The following NFAT5 variants were observed in gnomAD, a reference collection of about 807,000 sequenced individuals.
NFAT5 encodes nuclear factor of activated T cells 5.
NFAT5 carries 31 observed loss-of-function variants against 166.5 expected under a neutral mutation model. The ratio of observed to expected loss-of-function variants is 0.19; its 90% CI spans 0.14 to 0.25. The LOEUF is 0.25. Ranked by LOEUF, NFAT5 falls within the 10% of genes least tolerant of loss-of-function variation. The probability of loss-of-function intolerance (pLI) is 1.00; values close to 1 mark genes in which losing one functional copy is unlikely to be tolerated. For missense variants in NFAT5, 1,449 were observed against 1,821.8 expected (o/e 0.80, Z 3.72); for synonymous variants, 612 against 639.7 (o/e 0.96, Z 0.65).
intron 2 of NFAT5, among the ~76,000 whole-genome samples, chr16:69,592,340 A>T (rs2032517442): frequency 6.6e-6 from 1 of 152,154 alleles, no homozygotes; most frequent in Non-Finnish European, 1.5e-5. Flanking sequence ...TTGGCCTCCC[A>T]GAGTGCTGGG....
At chr16:69,568,691 A>G in intron 2 of NFAT5, 143 bp downstream of exon 2, 2 of 556,406 alleles carry the variant, frequency 3.6e-6, no homozygotes, top group Non-Finnish European at 6.1e-6. Flanking sequence ...CTTTTAGAGC[A>G]GCTGAATGTT....
intron 2 of NFAT5, among the ~76,000 whole-genome samples, chr16:69,572,362 C>A (rs1597332108): frequency 6.6e-6 from 1 of 152,084 alleles, no homozygotes; most frequent in Non-Finnish European, 1.5e-5. Context: ...TTACAAAAAT[C>A]CTGAACAAAA....
chr16:69,672,629 G>T (rs745610423), intron 9 of NFAT5, among the ~76,000 whole-genome samples: 2 of 152,046 alleles, frequency 1.3e-5, no homozygotes, highest in Non-Finnish European at 2.9e-5. Flanking sequence ...GAAAAAAATG[G>T]GTGACTGTGT....
rs1030187990 is a variant in NFAT5 at position 69,616,190 on chromosome 16, C to G, written c.128-10213C>G. ...GCAACCCTTCTACACAGATGCCCTCCTTATTCAGCTCAGGCTCCAAGGCCT... is the reference window on the plus strand; with the variant it reads ...GCAACCCTTCTACACAGATGCCCTCGTTATTCAGCTCAGGCTCCAAGGCCT... On this transcript the variant is annotated intron_variant, in intron 2 of 14. Coordinates refer to ENST00000349945, the MANE Select transcript of NFAT5 (RefSeq NM_138713.4). Among the ~76,000 whole-genome samples, 15 of 152,178 alleles carry G rather than the reference C, an allele frequency of 9.9e-5. 2 individuals carry two copies. Among genetic ancestry groups the G allele is most frequent in the East Asian group, 3.9e-4 (2 of 5,166 alleles).
In NFAT5 at chr16:69,626,262, CT is replaced by C. The variant is rs2034455870; in HGVS notation, c.128-138del. ...CCACTGTGCTCAGCTGCTAATAGCT[CT>C]TTACATTAATTTTGTGGGATTGTTT... On this transcript the variant is annotated intron_variant, in intron 2 of 14. Transcript: ENST00000349945. The C allele has an allele frequency of 1.3e-5, 9 of 702,730 alleles. No individual in the cohort carries two copies. The South Asian group carries it at 3.2e-4, about 25-fold the overall frequency. 43.5% of individuals were successfully genotyped at this position (702,730 alleles called of 1,614,324 possible).
intron 2 of NFAT5, among the ~76,000 whole-genome samples, chr16:69,600,994 C>T (rs1359937215): frequency 6.6e-6 from 1 of 152,100 alleles, no homozygotes; most frequent in Admixed American, 6.6e-5. Context: ...GCTCAGGCTT[C>T]GTCTTTTCCT....
chr16:69,654,161 A>T (rs906517654), intron 5 of NFAT5, among the ~76,000 whole-genome samples: 6 of 152,196 alleles, frequency 3.9e-5, no homozygotes, highest in African/African-American at 1.2e-4. Flanking sequence ...CCTCAAAAAA[A>T]TGGGGGAATG....
intron 2 of NFAT5, among the ~76,000 whole-genome samples, chr16:69,593,295 T>C (rs1161400875): frequency 6.6e-6 from 1 of 152,182 alleles, no homozygotes; most frequent in African/African-American, 2.4e-5. Flanking sequence ...GCCAAATGAA[T>C]AACTTTACTT....
At chr16:69,682,127 A>C (rs753238121) in intron 10 of NFAT5, among the ~76,000 whole-genome samples, 1 of 151,996 alleles carries the variant, frequency 6.6e-6, no homozygotes, top group Admixed American at 6.6e-5. Context: ...TTTCAGAGTC[A>C]TAAAACCTTT....
In NFAT5 at chr16:69,693,626, A is replaced by ACAG. The variant is rs750951612; in HGVS notation, c.3816_3818dup (p.Gln1284dup). On this transcript the variant is annotated inframe_insertion, in exon 13 of 15. Transcript: ENST00000349945. ...TGCAGAGTAACTCTCCATCCCAGGAACAGCAGCAGCAGCAGCAACAGCAGC... is the reference window on the plus strand; with the variant it reads ...TGCAGAGTAACTCTCCATCCCAGGAACAGCAGCAGCAGCAGCAGCAACAGCAGC... The ACAG allele has an allele frequency of 2.4e-5, 39 of 1,613,900 alleles. No individual in the cohort carries two copies. The South Asian group carries it at 3.7e-4, about 15-fold the overall frequency.
At chr16:69,657,777 A>G (rs918029880) in intron 6 of NFAT5, among the ~76,000 whole-genome samples, 3 of 144,040 alleles carry the variant, frequency 2.1e-5, no homozygotes, top group Non-Finnish European at 3.0e-5. Context: ...AAAAAAAAAA[A>G]GACAATTATA....
intron 3 of NFAT5, among the ~76,000 whole-genome samples, chr16:69,634,826 A>T (rs1344170717): frequency 1.3e-5 from 2 of 152,184 alleles, no homozygotes. Flanking sequence ...CATATCTCCT[A>T]TATAGATGGA....
intron 2 of NFAT5, among the ~76,000 whole-genome samples, chr16:69,621,198 C>A (rs1028489870): frequency 6.6e-6 from 1 of 151,772 alleles, no homozygotes; most frequent in Non-Finnish European, 1.5e-5. Context: ...CTGTTAGATA[C>A]CCTGCTTGTT....
intron 1 of NFAT5, among the ~76,000 whole-genome samples, chr16:69,567,686 T>C (rs752583842): frequency 8.5e-5 from 13 of 152,216 alleles, no homozygotes; most frequent in Non-Finnish European, 1.9e-4. Flanking sequence ...GTAGCCACTG[T>C]CTGTTGCTCC....
intron 2 of NFAT5, among the ~76,000 whole-genome samples, chr16:69,582,716 A>G (rs2031778815): frequency 6.9e-6 from 1 of 145,596 alleles, no homozygotes; most frequent in African/African-American, 2.5e-5. Flanking sequence ...GTTCTATTCC[A>G]TTTATCTGTA....
intron 3 of NFAT5, among the ~76,000 whole-genome samples, chr16:69,636,148 C>T (rs2034957271): frequency 6.6e-6 from 1 of 152,160 alleles, no homozygotes; most frequent in Admixed American, 6.5e-5. Context: ...TCCAGTGGGA[C>T]AGTCAAATTT....
intron 14 of NFAT5, 134 bp downstream of exon 14, chr16:69,695,513 T>G (rs987447561): frequency 1.5e-6 from 1 of 668,984 alleles, no homozygotes; most frequent in Non-Finnish European, 2.6e-6. Context: ...TTACTCTGAA[T>G]AAAATTATTC....
At position 69,622,862 on chromosome 16, in the gene NFAT5, G is replaced by A. The variant is rs192926643; in HGVS notation, c.128-3541G>A. ...AAAAAAAAAAGAAAAAAATAGACTCGAGGCTGGGTGTGGTGGCTCACGCCT... is the reference window on the plus strand; with the variant it reads ...AAAAAAAAAAGAAAAAAATAGACTCAAGGCTGGGTGTGGTGGCTCACGCCT... On this transcript the variant is annotated intron_variant, in intron 2 of 14. Coordinates refer to ENST00000349945, the MANE Select transcript of NFAT5 (RefSeq NM_138713.4). Among the ~76,000 whole-genome samples the A allele has an allele frequency of 3.3e-5, 5 of 150,456 alleles. No homozygotes were observed. The East Asian group carries it at 9.7e-4, about 29-fold the overall frequency.
rs1212101720 is a variant in NFAT5 at position 69,695,298 on chromosome 16, A to G, written c.4577A>G (p.Asn1526Ser). 6.2e-7 allele frequency: 1 copy of G among 1,614,112 alleles called. No individual in the cohort carries two copies. The highest frequency in any genetic ancestry group is 1.3e-5 in the African/African-American group (1 of 75,020). The stretch of plus-strand genomic sequence containing the variant: ...CCACTGGCATCCTCTATAAACACCA[A>G]CCAGAACATCGAAAAGATTGATTTG... Reference protein sequence around the residue: ...NSPLASSINTNQNIEKIDLLV... With the variant: ...NSPLASSINTSQNIEKIDLLV... The change falls in exon 14 of 15, where the codon AAC (asparagine) becomes AGC (serine). Residue 1526 changes from asparagine to serine, a missense_variant. Coordinates refer to ENST00000349945, the MANE Select transcript of NFAT5 (RefSeq NM_138713.4).
Sources: gnomAD v4.1 joint callset for allele counts (sites outside exome capture counted in the v4.1 genomes callset) on GRCh38, gnomAD v4.1.1 for gene constraint, MANE v1.5 for transcripts, NCBI Gene and HGNC (gene_info 2026-07-23, HGNC 2026-07-21) for gene names.